Variants in BCAS3 observed in about 807,000 individuals in gnomAD.
BCAS3 encodes BCAS3 microtubule associated cell migration factor.
A neutral mutation model predicts 116.1 loss-of-function variants in BCAS3; 53 were observed. The ratio of observed to expected loss-of-function variants is 0.46; its 90% CI spans 0.37 to 0.57. The LOEUF (loss-of-function observed/expected upper bound fraction) is 0.57. Ranked by LOEUF, BCAS3 falls within the 20% of genes least tolerant of loss-of-function variation. The pLI, the probability that BCAS3 is intolerant of heterozygous loss-of-function variation, is 0.00. For synonymous variants in BCAS3, 391 were observed against 408.2 expected, an observed-to-expected ratio of 0.96 and a Z score of 0.51; for missense variants, 917 against 1,165.4, an observed-to-expected ratio of 0.79 and a Z score of 3.10.
intron 13 of BCAS3, among the ~76,000 whole-genome samples, chr17:60,931,767 G>C (rs2059658022): frequency 6.6e-6 from 1 of 152,144 alleles, no homozygotes; most frequent in Admixed American, 6.6e-5. Context: ...ATGGGGGCTA[G>C]TAATGATATC....
intron 22 of BCAS3, among the ~76,000 whole-genome samples, chr17:61,322,800 G>GAGAGAGAGAGAGAGAGAGAGAGAGAC (rs2055343914): frequency 1.7e-5 from 2 of 114,416 alleles, no homozygotes; most frequent in Non-Finnish European, 3.7e-5. Context: ...GAGACAGAGA[G>GAGAGAGAGAGAGAGAGAGAGAGAGAC]AGAGAGAGAG....
chr17:60,965,372 C>T (rs369013406), intron 14 of BCAS3, among the ~76,000 whole-genome samples: 3 of 151,916 alleles, frequency 2.0e-5, no homozygotes, highest in African/African-American at 7.3e-5. Context: ...TAGGCGCCCG[C>T]CACCACACCT....
chr17:61,163,244 G>A (rs1311222314), intron 22 of BCAS3, among the ~76,000 whole-genome samples: 2 of 152,042 alleles, frequency 1.3e-5, no homozygotes, highest in Non-Finnish European at 2.9e-5. Flanking sequence ...CTAACACGGT[G>A]AAACCCAGTC....
rs752677896 is a variant in BCAS3 at position 61,315,552 on chromosome 17, C to T, written c.2426-52775C>T. Among the ~76,000 whole-genome samples the T allele has an allele frequency of 1.3e-5, 2 of 152,168 alleles. No homozygotes were observed. Among genetic ancestry groups the T allele is most frequent in the Non-Finnish European group, 2.9e-5 (2 of 68,034 alleles). ...GCCCATGGAAGAGGTTGCACAGCGTCGCTGGTTAATGGCAAAGCCCAGGTA... is the reference window on the plus strand; with the variant it reads ...GCCCATGGAAGAGGTTGCACAGCGTTGCTGGTTAATGGCAAAGCCCAGGTA... On this transcript the variant is annotated intron_variant, in intron 22 of 23. Transcript: ENST00000407086. This position sits in a 1 kb window ranked among gnomAD's most constrained non-coding sequence, Gnocchi z 5.3.
In BCAS3 at chr17:61,184,411, G is replaced by A. The variant is rs944152948; in HGVS notation, c.2425+99847G>A. Among the ~76,000 whole-genome samples the A allele has an allele frequency of 2.6e-5, 4 of 152,132 alleles. No homozygotes were observed. The East Asian group carries it at 7.7e-4, about 29-fold the overall frequency. ...TTAGTCATTGGGGAAATGATACTGT[G>A]TACAACTAGAATGGCTGAAATTAAA... On this transcript the variant is annotated intron_variant, in intron 22 of 23. Coordinates refer to ENST00000407086, the MANE Select transcript of BCAS3 (RefSeq NM_017679.5).
intron 23 of BCAS3, among the ~76,000 whole-genome samples, chr17:61,386,190 C>T (rs760459798): frequency 6.6e-6 from 1 of 152,224 alleles, no homozygotes; most frequent in African/African-American, 2.4e-5. Flanking sequence ...CACAAAGATT[C>T]GAGTAACTTT....
At chr17:60,870,897 C>G (rs1487597352) in intron 8 of BCAS3, among the ~76,000 whole-genome samples, 1 of 152,162 alleles carries the variant, frequency 6.6e-6, no homozygotes, top group Admixed American at 6.5e-5. Context: ...GGAACATTTT[C>G]AATTACAAAT....
chr17:61,309,063 A>G lies in BCAS3; in HGVS notation c.2426-59264A>G, dbSNP rs2054086485. Among the ~76,000 whole-genome samples the G allele has an allele frequency of 6.6e-6, 1 of 152,074 alleles. No homozygotes were observed. On this transcript the variant is annotated intron_variant, in intron 22 of 23. Coordinates refer to ENST00000407086, the MANE Select transcript of BCAS3 (RefSeq NM_017679.5). The surrounding 1 kb of genome is among the most constrained non-coding windows in gnomAD (Gnocchi z 4.6). ...CTCCTCTGAGTGTCTTCAGCATGGAATCCTCTTTCTTTCAGGAGTCCGTGA... is the reference window on the plus strand; with the variant it reads ...CTCCTCTGAGTGTCTTCAGCATGGAGTCCTCTTTCTTTCAGGAGTCCGTGA...
chr17:61,065,096 T>TA lies in BCAS3; in HGVS notation c.2030-9818dup, dbSNP rs900168408. Among the ~76,000 whole-genome samples, 3 of 152,188 alleles carry TA rather than the reference T, an allele frequency of 2.0e-5. No homozygotes were observed. Among genetic ancestry groups the TA allele is most frequent in the African/African-American group, 7.2e-5 (3 of 41,448 alleles). Reference sequence around the variant, plus strand: ...AGGGTTCTCCCTTTTTTTAGTCATTTAAAAAATCACACTTTAATTTTTGCC... The same window carrying TA: ...AGGGTTCTCCCTTTTTTTAGTCATTTAAAAAAATCACACTTTAATTTTTGCC... On this transcript the variant is annotated intron_variant, in intron 19 of 23. Coordinates refer to ENST00000407086, the MANE Select transcript of BCAS3 (RefSeq NM_017679.5). This position sits in a 1 kb window ranked among gnomAD's most constrained non-coding sequence, Gnocchi z 4.8.
intron 22 of BCAS3, among the ~76,000 whole-genome samples, chr17:61,201,742 A>G (rs1171065062): frequency 2.7e-5 from 4 of 150,436 alleles, no homozygotes; most frequent in Admixed American, 6.7e-5. Flanking sequence ...GGAGAAAGGT[A>G]AGGGAAAGGA....
intron 10 of BCAS3, among the ~76,000 whole-genome samples, chr17:60,892,447 G>C: frequency 6.6e-6 from 1 of 151,692 alleles, no homozygotes; most frequent in East Asian, 2.0e-4. Context: ...GTAGCTGGGA[G>C]TACAGACATG....
rs374575046 is a variant in BCAS3, at chr17:61,251,121, T to A, written c.2426-117206T>A. Among the ~76,000 whole-genome samples, 2 of 152,202 alleles carry A rather than the reference T, an allele frequency of 1.3e-5. No individual in the cohort carries two copies. The highest frequency in any genetic ancestry group is 1.3e-4 in the Admixed American group (2 of 15,280). On this transcript the variant is annotated intron_variant, in intron 22 of 23. Transcript: ENST00000407086. This position sits in a 1 kb window ranked among gnomAD's most constrained non-coding sequence, Gnocchi z 4.7. ...TTCCTGTGAGCCAGTCTTACATCAC[T>A]GGTGCAAGAATTGGGCAGTGCTTGC...
At chr17:60,770,479 C>T (rs1021552921) in intron 6 of BCAS3, among the ~76,000 whole-genome samples, 3 of 126,302 alleles carry the variant, frequency 2.4e-5, no homozygotes, top group African/African-American at 8.2e-5. Flanking sequence ...AGTGCAGTGG[C>T]GTGATCTCGG....
intron 14 of BCAS3, among the ~76,000 whole-genome samples, chr17:60,973,905 T>C (rs2062133846): frequency 6.6e-6 from 1 of 152,114 alleles, no homozygotes; most frequent in South Asian, 2.1e-4. Context: ...AAATATTTTT[T>C]CTGTAATTTC....
Position 61,278,051 on chromosome 17 carries a change from T to C in BCAS3, c.2426-90276T>C, listed in dbSNP as rs545030127. 2.6e-5 allele frequency among the ~76,000 whole-genome samples: 4 copies of C among 152,358 alleles called. No homozygotes were observed. Among genetic ancestry groups the C allele is most frequent in the African/African-American group, 9.6e-5 (4 of 41,592 alleles). On this transcript the variant is annotated intron_variant, in intron 22 of 23. Transcript: ENST00000407086. This position sits in a 1 kb window ranked among gnomAD's most constrained non-coding sequence, Gnocchi z 5.8. ...ATGGTTTGTTTTGTTTTGTTTTGTTTTGTTTGACGGAGTCACACTGTGTAG... is the reference window on the plus strand; with the variant it reads ...ATGGTTTGTTTTGTTTTGTTTTGTTCTGTTTGACGGAGTCACACTGTGTAG...
At chr17:61,301,999 C>T (rs1477147374) in intron 22 of BCAS3, among the ~76,000 whole-genome samples, 3 of 152,160 alleles carry the variant, frequency 2.0e-5, no homozygotes, top group Non-Finnish European at 2.9e-5. Flanking sequence ...AGGTGAAGCA[C>T]GGCCACTTTG....
chr17:61,018,290 G>GTTTTTTTT (rs10570881), intron 16 of BCAS3, among the ~76,000 whole-genome samples: 1 of 83,066 alleles, frequency 1.2e-5, no homozygotes. Context: ...AAATTCCCCA[G>GTTTTTTTT]TTTTTTTTTT....
chr17:60,965,699 A>G (rs1209212332), intron 14 of BCAS3, among the ~76,000 whole-genome samples: 3 of 152,202 alleles, frequency 2.0e-5, no homozygotes, highest in Non-Finnish European at 4.4e-5. Flanking sequence ...CATTGTGGCC[A>G]GAAAAGATAT....
At position 61,300,406 on chromosome 17, in the gene BCAS3, G is replaced by A. The variant is rs186833476; in HGVS notation, c.2426-67921G>A. Among the ~76,000 whole-genome samples, 322 of 152,276 alleles carry A rather than the reference G, an allele frequency of 2.1e-3. No homozygotes were observed. Among genetic ancestry groups the A allele is most frequent in the Non-Finnish European group, 3.7e-3 (253 of 68,026 alleles). On this transcript the variant is annotated intron_variant, in intron 22 of 23. Transcript: ENST00000407086. This position sits in a 1 kb window ranked among gnomAD's most constrained non-coding sequence, Gnocchi z 5.1. ...AAACTTGCTCCCTAAGCTCCCAGAA[G>A]GCATTACTCAGGTGACATTTGGGGA... is the stretch of plus-strand genomic sequence containing the variant.
Sources: gnomAD v4.1 joint callset for allele counts (sites outside exome capture counted in the v4.1 genomes callset) on GRCh38, gnomAD v4.1.1 for gene constraint, Gnocchi (gnomAD v3.1) non-coding constraint, MANE v1.5 for transcripts, NCBI Gene and HGNC (gene_info 2026-07-23, HGNC 2026-07-21) for gene names.